The following CCSER1 variants were observed in gnomAD, a reference collection of about 807,000 sequenced individuals.
CCSER1 encodes serine-rich coiled-coil domain-containing protein 1.
Under a neutral mutation model 82.0 loss-of-function variants are expected in CCSER1, and 41 were observed. The observed-to-expected ratio is 0.50, with a 90% CI of 0.39 to 0.65. CCSER1 has a LOEUF of 0.65. Among genes scored for constraint, CCSER1 ranks in the 30% least tolerant of loss-of-function variants. CCSER1 has a pLI of 0.00. For missense variants in CCSER1, 1,119 were observed against 1,064.2 expected (o/e 1.05, Z -0.72); for synonymous variants, 414 against 383.9 (o/e 1.08, Z -0.92).
chr4:90,629,153 GATA>G (rs1313588310), intron 6 of CCSER1, among the ~76,000 whole-genome samples: 2 of 152,034 alleles, frequency 1.3e-5, no homozygotes, highest in African/African-American at 4.8e-5. Flanking sequence ...TGAACACTTT[GATA>G]ATAATGCTAG....
At chr4:90,556,448 T>C (rs1294131068) in intron 5 of CCSER1, among the ~76,000 whole-genome samples, 1 of 152,050 alleles carries the variant, frequency 6.6e-6, no homozygotes, top group Non-Finnish European at 1.5e-5. Context: ...CCTTGGACAG[T>C]GTGGAGTGGC....
intron 7 of CCSER1, among the ~76,000 whole-genome samples, chr4:90,812,238 A>C (rs528589258): frequency 6.6e-6 from 1 of 152,174 alleles, no homozygotes; most frequent in Admixed American, 6.5e-5. Flanking sequence ...AGCTGATTAG[A>C]TTGTGCCCCC....
chr4:90,305,194 G>A (rs1320096889), intron 1 of CCSER1, among the ~76,000 whole-genome samples: 1 of 152,170 alleles, frequency 6.6e-6, no homozygotes, highest in Non-Finnish European at 1.5e-5. Flanking sequence ...GGGATTACAG[G>A]CGTGAGCCAC....
chr4:90,903,282 A>T (rs562535234), intron 8 of CCSER1, among the ~76,000 whole-genome samples: 2 of 152,198 alleles, frequency 1.3e-5, no homozygotes, highest in South Asian at 4.1e-4. Flanking sequence ...CGTGGTAGTG[A>T]ATAAGTTTCA....
At chr4:91,498,060 G>A (rs555522900) in intron 10 of CCSER1, among the ~76,000 whole-genome samples, 150 of 152,090 alleles carry the variant, frequency 9.9e-4, no homozygotes, top group Non-Finnish European at 1.8e-3. Context: ...GCTTCGCTGT[G>A]CATCCGGCCC....
chr4:91,171,108 C>T (rs1026351717), intron 10 of CCSER1, among the ~76,000 whole-genome samples: 1 of 151,964 alleles, frequency 6.6e-6, no homozygotes, highest in Non-Finnish European at 1.5e-5. Context: ...AGAATAGAAA[C>T]ATATTTGCAA....
chr4:91,579,148 C>A (rs574501421), intron 10 of CCSER1, among the ~76,000 whole-genome samples: 2 of 151,008 alleles, frequency 1.3e-5, no homozygotes, highest in South Asian at 4.2e-4. Context: ...GTTTTTAAAC[C>A]TTTCTTTCTG....
intron 10 of CCSER1, among the ~76,000 whole-genome samples, chr4:91,136,437 TG>T (rs1447469187): frequency 6.6e-6 from 1 of 152,196 alleles, no homozygotes; most frequent in Non-Finnish European, 1.5e-5. Flanking sequence ...CATCAACCTG[TG>T]AGCATCTGTA....
chr4:90,135,013 A>C (rs925857620), intron 1 of CCSER1, among the ~76,000 whole-genome samples: 1 of 152,220 alleles, frequency 6.6e-6, no homozygotes, highest in African/African-American at 2.4e-5. Flanking sequence ...TGTTTTTTTA[A>C]CTAATTTTTC....
intron 4 of CCSER1, among the ~76,000 whole-genome samples, chr4:90,448,162 G>T (rs1036061678): frequency 1.3e-5 from 2 of 151,770 alleles, no homozygotes; most frequent in Non-Finnish European, 2.9e-5. Flanking sequence ...CTGGACTCTA[G>T]GATATCAGAT....
At chr4:91,549,166 C>A (rs1004704524) in intron 10 of CCSER1, among the ~76,000 whole-genome samples, 6 of 152,010 alleles carry the variant, frequency 3.9e-5, no homozygotes, top group Non-Finnish European at 8.8e-5. Context: ...CCATCAAAGT[C>A]ATTCTTTATG....
At chr4:90,195,932 G>A (rs1047114780) in intron 1 of CCSER1, among the ~76,000 whole-genome samples, 2 of 151,992 alleles carry the variant, frequency 1.3e-5, no homozygotes, top group Non-Finnish European at 2.9e-5. Flanking sequence ...GAAAGTATTC[G>A]AAGTAATTTT....
intron 5 of CCSER1, among the ~76,000 whole-genome samples, chr4:90,496,661 GT>G (rs1769047526): frequency 6.6e-6 from 1 of 152,186 alleles, no homozygotes; most frequent in East Asian, 1.9e-4. Flanking sequence ...TAGATTGAAG[GT>G]AACTAAAGAA....
chr4:91,139,509 G>GA (rs947685588), intron 10 of CCSER1, among the ~76,000 whole-genome samples: 1 of 151,990 alleles, frequency 6.6e-6, no homozygotes, highest in African/African-American at 2.4e-5. Context: ...TGAACAAAAA[G>GA]AAAAAAGATA....
chr4:90,189,826 A>G (rs1025153625), intron 1 of CCSER1, among the ~76,000 whole-genome samples: 7 of 151,970 alleles, frequency 4.6e-5, no homozygotes, highest in African/African-American at 1.7e-4. Flanking sequence ...TGTCTGTTTA[A>G]CTTTAAATAT....
intron 3 of CCSER1, among the ~76,000 whole-genome samples, chr4:90,366,700 G>A (rs182125615): frequency 4.0e-5 from 6 of 151,860 alleles, no homozygotes; most frequent in African/African-American, 1.2e-4. Flanking sequence ...TGAGGTAAGT[G>A]TTTAATTATT....
chr4:91,065,329 AT>A (rs1295413502), intron 9 of CCSER1, among the ~76,000 whole-genome samples: 1 of 152,170 alleles, frequency 6.6e-6, no homozygotes, highest in Non-Finnish European at 1.5e-5. Flanking sequence ...ATATTGGGAA[AT>A]ATTGCGTAAT....
At chr4:90,688,747 C>T (rs1032376421) in intron 6 of CCSER1, among the ~76,000 whole-genome samples, 1 of 152,066 alleles carries the variant, frequency 6.6e-6, no homozygotes, top group Non-Finnish European at 1.5e-5. Context: ...ACTGATACAT[C>T]TGTGGAATTT....
At chr4:90,808,423 A>G (rs748348427) in intron 7 of CCSER1, among the ~76,000 whole-genome samples, 16 of 152,142 alleles carry the variant, frequency 1.1e-4, no homozygotes, top group Admixed American at 3.3e-4. Flanking sequence ...CTTCTATACA[A>G]CAAAAGAAAT....
Sources: gnomAD v4.1 joint callset for allele counts (sites outside exome capture counted in the v4.1 genomes callset) on GRCh38, gnomAD v4.1.1 for gene constraint, MANE v1.5 for transcripts, NCBI Gene and HGNC (gene_info 2026-07-23, HGNC 2026-07-21) for gene names.